PGPEP1L: variants seen among roughly 807,000 people sequenced by gnomAD.
PGPEP1L encodes the protein pyroglutamyl-peptidase I like, also known as pyroglutamyl-peptidase 1-like protein.
Under a neutral mutation model 6.0 loss-of-function variants are expected in PGPEP1L, and 7 were observed. That is an observed-to-expected ratio of 1.17 (90% CI 0.66 to 2.19). The LOEUF is 2.19. Ranked by LOEUF, PGPEP1L falls within the 30% of genes most tolerant of loss-of-function variation. The pLI is 0.00. For synonymous variants in PGPEP1L, 103 were observed against 83.9 expected (o/e 1.23, Z -1.24); for missense variants, 209 against 192.5 (o/e 1.09, Z -0.51).
intron 2 of PGPEP1L, among the ~76,000 whole-genome samples, chr15:98,975,700 G>C (rs1015294648): frequency 1.3e-5 from 2 of 152,134 alleles, no homozygotes; most frequent in African/African-American, 4.8e-5. Flanking sequence ...GGCCAACGTG[G>C]TGAAACTCCG....
Position 98,976,539 on chromosome 15 carries a change from G to A in PGPEP1L, c.-141-5381C>T, listed in dbSNP as rs1374080806. ...TGCTGGTTTGCTGAAAATGTCTCAG[G>A]ACTTGAGGTGTCCTGAAGAGAAATC... is the stretch of plus-strand genomic sequence containing the variant. On this transcript the variant is annotated intron_variant, in intron 2 of 4. Transcript: ENST00000535714. Among the ~76,000 whole-genome samples the A allele has an allele frequency of 3.9e-5, 6 of 152,330 alleles. No individual in the cohort carries two copies. In the South Asian group the frequency reaches 1.0e-3, roughly 26 times the overall value.
intron 2 of PGPEP1L, among the ~76,000 whole-genome samples, chr15:98,974,053 TAATG>T (rs1464719922): frequency 6.6e-6 from 1 of 152,070 alleles, no homozygotes; most frequent in Non-Finnish European, 1.5e-5. Context: ...ATCAGACACA[TAATG>T]AACAACTATA....
At chr15:98,974,118 T>C (rs1454414943) in intron 2 of PGPEP1L, among the ~76,000 whole-genome samples, 1 of 152,168 alleles carries the variant, frequency 6.6e-6, no homozygotes, top group Non-Finnish European at 1.5e-5. Context: ...CAGTGGCTCA[T>C]GGCTGTAATC....
At chr15:98,996,565 T>G (rs2017891052) in intron 2 of PGPEP1L, among the ~76,000 whole-genome samples, 1 of 151,902 alleles carries the variant, frequency 6.6e-6, no homozygotes, top group Non-Finnish European at 1.5e-5. Flanking sequence ...TAGGTATGGG[T>G]GTGCATGCAT....
At chr15:98,983,155 T>C (rs2017692380) in intron 2 of PGPEP1L, among the ~76,000 whole-genome samples, 1 of 32,898 alleles carries the variant, frequency 3.0e-5, no homozygotes, top group South Asian at 1.4e-3. Flanking sequence ...AAGGTTCTCT[T>C]GGGAAAAAAA....
At chr15:98,987,603 C>T (rs575366280) in intron 2 of PGPEP1L, among the ~76,000 whole-genome samples, 1 of 152,200 alleles carries the variant, frequency 6.6e-6, no homozygotes, top group South Asian at 2.1e-4. Flanking sequence ...GATTTTTGGT[C>T]TCTATGACTG....
At chr15:98,996,440 CCACT>C (rs1166734704) in intron 2 of PGPEP1L, among the ~76,000 whole-genome samples, 7 of 152,168 alleles carry the variant, frequency 4.6e-5, no homozygotes, top group East Asian at 1.9e-4. Flanking sequence ...TGTGTGCTAA[CCACT>C]CACTCACCTC....
At chr15:99,000,910 G>A (rs143437286) in intron 2 of PGPEP1L, among the ~76,000 whole-genome samples, 18 of 152,222 alleles carry the variant, frequency 1.2e-4, no homozygotes, top group African/African-American at 3.9e-4. Context: ...TCTTGCTGCT[G>A]CTCATTCTTT....
intron 2 of PGPEP1L, chr15:98,998,102 G>T: frequency 6.5e-6 from 1 of 152,756 alleles, no homozygotes. Context: ...TGAGCTACAG[G>T]GTTTTTACCT....
intron 2 of PGPEP1L, among the ~76,000 whole-genome samples, chr15:98,979,622 T>TG (rs1162096040): frequency 1.4e-5 from 2 of 145,894 alleles, no homozygotes; most frequent in African/African-American, 2.5e-5. Context: ...TGGATGGGAT[T>TG]GGAGACTATT....
intron 2 of PGPEP1L, among the ~76,000 whole-genome samples, chr15:98,996,667 GTGTGTATGCC>G (rs1287372099): frequency 6.6e-6 from 1 of 152,098 alleles, no homozygotes; most frequent in Non-Finnish European, 1.5e-5. Context: ...ATGCATGCAC[GTGTGTATGCC>G]TGTGTATCCA....
At chr15:98,990,042 G>C (rs1377365556) in intron 2 of PGPEP1L, among the ~76,000 whole-genome samples, 1 of 152,142 alleles carries the variant, frequency 6.6e-6, no homozygotes, top group Non-Finnish European at 1.5e-5. Context: ...AAATTGTAAA[G>C]ACTATTCATG....
At position 98,969,428 on chromosome 15, in the gene PGPEP1L, C is replaced by G; in HGVS notation, c.206G>C (p.Gly69Ala). 6.2e-7 allele frequency: 1 copy of G among 1,614,014 alleles called. No individual in the cohort carries two copies. The change falls in exon 4 of 5, where the codon GGC becomes GCC. Residue 69 changes from glycine to alanine, a missense_variant. By Grantham distance (60) the Gly-to-Ala change is moderately conservative. Coordinates refer to ENST00000535714, the MANE Select transcript of PGPEP1L (RefSeq NM_001167902.2). ...GVDVIFSRDAGRYVCDYTYYL... is the reference protein window; with the variant it reads ...GVDVIFSRDAARYVCDYTYYL... ...TCCTGACACCCACAGAGCATACCTG[C>G]CTGCATCTCGGGAAAAGATCACGTC...
chr15:98,990,975 G>T (rs782219322), intron 2 of PGPEP1L, among the ~76,000 whole-genome samples: 8 of 152,118 alleles, frequency 5.3e-5, no homozygotes, highest in Non-Finnish European at 8.8e-5. Context: ...TGTGTAGAGG[G>T]AATTTTATAG....
intron 4 of PGPEP1L, 24 bp downstream of exon 4, chr15:98,969,401 A>C: frequency 6.2e-7 from 1 of 1,612,402 alleles, no homozygotes; most frequent in East Asian, 2.2e-5. Context: ...ACCTGCTCAG[A>C]GTCCTGACAC....
intron 2 of PGPEP1L, among the ~76,000 whole-genome samples, chr15:98,978,724 A>ATTTTT (rs1341474662): frequency 1.4e-5 from 1 of 69,668 alleles, no homozygotes; most frequent in African/African-American, 5.1e-5. Flanking sequence ...ATATATATAT[A>ATTTTT]TATTTTTTTT....
intron 2 of PGPEP1L, among the ~76,000 whole-genome samples, chr15:98,999,752 A>G (rs1555472770): frequency 2.0e-5 from 3 of 152,268 alleles, no homozygotes. Flanking sequence ...GGAAGAGAGA[A>G]GTAGAAACAT....
rs762455672 is a variant in PGPEP1L, at chr15:98,971,198, G to T, written c.-141-40C>A. The T allele has an allele frequency of 1.0e-4, 30 of 286,920 alleles. 3 individuals carry two copies. Among genetic ancestry groups the T allele is most frequent in the East Asian group, 2.3e-4 (1 of 4,366 alleles). The allele number at this position is 286,920 out of a possible 1,614,324, so 17.8% of individuals were successfully genotyped here. A position where few individuals can be genotyped will look rare whatever the true frequency, so the allele number is the denominator to read the frequency against. On this transcript the variant is annotated intron_variant, in intron 2 of 4. Transcript: ENST00000535714. ...AGGTGGACTTGCCTCAGTTGATGGG[G>T]GGGGGGGGGGGGTGGGCACCAAGAG...
At chr15:99,005,205 C>T (rs2654974) in intron 2 of PGPEP1L, among the ~76,000 whole-genome samples, 141,812 of 152,262 alleles carry the variant, frequency 0.93, 66,077 homozygotes, top group East Asian at 0.94. Context: ...TCGAGAGTTA[C>T]TTGAAGCGAA....
Sources: allele counts gnomAD v4.1 joint callset (sites outside exome capture counted in the v4.1 genomes callset), GRCh38; gene constraint gnomAD v4.1.1; transcripts MANE v1.5; gene names NCBI Gene and HGNC (gene_info 2026-07-23, HGNC 2026-07-21).